Variants in ADCK1 observed in about 807,000 individuals in gnomAD.
The protein encoded by ADCK1 is aarF domain-containing protein kinase 1.
Under a neutral mutation model 52.3 loss-of-function variants are expected in ADCK1, and 41 were observed. The ratio of observed to expected loss-of-function variants is 0.78; its 90% CI spans 0.61 to 1.02. The LOEUF is 1.02. ADCK1 is among the 50% of genes least tolerant of loss of function. The probability of loss-of-function intolerance (pLI) is 0.00; values close to 1 mark genes in which losing one functional copy is unlikely to be tolerated. For synonymous variants in ADCK1, 250 were observed against 274.6 expected (o/e 0.91, Z 0.89); for missense variants, 658 against 679.5 (o/e 0.97, Z 0.35).
In ADCK1 at chr14:77,931,602, A is replaced by T. The variant is rs999878942; in HGVS notation, c.1291A>T (p.Ile431Phe). 1 of 1,613,810 alleles carries T rather than the reference A, an allele frequency of 6.2e-7. No individual in the cohort carries two copies. The highest frequency in any genetic ancestry group is 8.5e-7 in the Non-Finnish European group (1 of 1,180,032). The change falls in exon 10 of 11, where the codon ATC (isoleucine) becomes TTC (phenylalanine). Residue 431 changes from isoleucine to phenylalanine, a missense_variant. Transcript: ENST00000238561. Reference sequence around the variant, plus strand: ...CCACGTGCCGCGCCAGATGCTGCTCATCTTGAAGACCAACGACCTGCTGCG... The same window carrying T: ...CCACGTGCCGCGCCAGATGCTGCTCTTCTTGAAGACCAACGACCTGCTGCG... The part of the protein sequence containing the change: ...LNHVPRQMLL[I>F]LKTNDLLRGI...
At chr14:77,928,579 A>G (rs1473678383) in intron 9 of ADCK1, among the ~76,000 whole-genome samples, 2 of 151,588 alleles carry the variant, frequency 1.3e-5, no homozygotes, top group Admixed American at 1.3e-4. Flanking sequence ...CTCCTGCCTC[A>G]GCCTTCTGAG....
At chr14:77,917,267 T>G (rs370260070) in intron 7 of ADCK1, among the ~76,000 whole-genome samples, 1 of 152,150 alleles carries the variant, frequency 6.6e-6, no homozygotes, top group Non-Finnish European at 1.5e-5. Flanking sequence ...TCTTTCAAGC[T>G]GTTATGCCTC....
chr14:77,802,714 G>A (rs1159963008), intron 1 of ADCK1, among the ~76,000 whole-genome samples: 2 of 152,198 alleles, frequency 1.3e-5, no homozygotes, highest in Non-Finnish European at 2.9e-5. Context: ...ACTTTGGGAA[G>A]CCAAGGCGGG....
chr14:77,870,815 C>T lies in ADCK1; in HGVS notation c.423+11536C>T, dbSNP rs79357193. 5.5e-3 allele frequency among the ~76,000 whole-genome samples: 835 copies of T among 152,322 alleles called. 3 individuals carry two copies. Among genetic ancestry groups the T allele is most frequent in the Non-Finnish European group, 8.3e-3 (565 of 68,032 alleles). On this transcript the variant is annotated intron_variant, in intron 4 of 10. Transcript: ENST00000238561. ...AGGGGTCACAGAGTCCTCATTTCCT[C>T]CCTGACTGGAACTCGTGGCCTTCCC...
In ADCK1 at chr14:77,933,259, C is replaced by A; in HGVS notation, c.1440C>A (p.Thr480=). The A allele has an allele frequency of 1.2e-6, 2 of 1,614,148 alleles. No homozygotes were observed. Among genetic ancestry groups the A allele is most frequent in the Non-Finnish European group, 1.7e-6 (2 of 1,180,022 alleles). ...KKNTCSFFRR[T]QISFSEAFNL... is the part of the protein sequence containing the mutation. Reference sequence around the variant, plus strand: ...ATACCTGTTCATTCTTCAGAAGGACCCAGATCTCTTTCAGCGAGGCCTTCA... The same window carrying A: ...ATACCTGTTCATTCTTCAGAAGGACACAGATCTCTTTCAGCGAGGCCTTCA... The change falls in exon 11 of 11, where the codon ACC becomes ACA. Residue 480 remains threonine, a synonymous_variant. Coordinates refer to ENST00000238561, the MANE Select transcript of ADCK1 (RefSeq NM_020421.4).
chr14:77,840,380 C>T (rs1464708275), intron 3 of ADCK1, among the ~76,000 whole-genome samples: 3 of 151,968 alleles, frequency 2.0e-5, no homozygotes, highest in East Asian at 3.9e-4. Flanking sequence ...CATTCCTTGG[C>T]TCATGGTCCC....
chr14:77,829,237 A>G (rs1216141491), intron 3 of ADCK1, among the ~76,000 whole-genome samples: 2 of 150,866 alleles, frequency 1.3e-5, no homozygotes, highest in Non-Finnish European at 3.0e-5. Flanking sequence ...GAGGATATAT[A>G]TGTGTGTACA....
intron 1 of ADCK1, among the ~76,000 whole-genome samples, chr14:77,813,912 T>A (rs929239624): frequency 4.0e-5 from 6 of 151,652 alleles, no homozygotes; most frequent in Non-Finnish European, 7.4e-5. Flanking sequence ...AAACTAAAGA[T>A]GCATGCCACA....
intron 3 of ADCK1, among the ~76,000 whole-genome samples, chr14:77,853,532 T>G (rs1231287441): frequency 6.6e-6 from 1 of 152,170 alleles, no homozygotes; most frequent in African/African-American, 2.4e-5. Flanking sequence ...GGATCTTGCT[T>G]TTAATATTTG....
chr14:77,905,508 T>C (rs915904178), intron 6 of ADCK1, among the ~76,000 whole-genome samples: 3 of 151,364 alleles, frequency 2.0e-5, no homozygotes, highest in Non-Finnish European at 4.4e-5. Context: ...CCCTCGCTGT[T>C]TTTTAAGCTG....
chr14:77,817,880 C>T (rs1053262195), intron 1 of ADCK1, among the ~76,000 whole-genome samples: 3 of 150,274 alleles, frequency 2.0e-5, no homozygotes, highest in Admixed American at 6.7e-5. Flanking sequence ...GGACTACAGG[C>T]GCCCGCCACC....
intron 4 of ADCK1, among the ~76,000 whole-genome samples, chr14:77,874,913 C>T (rs914429220): frequency 6.6e-6 from 1 of 151,972 alleles, no homozygotes; most frequent in Non-Finnish European, 1.5e-5. Flanking sequence ...GGTTAAGGGA[C>T]AGGTGGATGG....
intron 4 of ADCK1, among the ~76,000 whole-genome samples, chr14:77,885,763 G>T (rs1286454485): frequency 1.3e-5 from 2 of 152,222 alleles, no homozygotes; most frequent in African/African-American, 4.8e-5. Context: ...GCTTGTGCAT[G>T]TGTGTGCACA....
chr14:77,931,617 G>A lies in ADCK1; in HGVS notation c.1306G>A (p.Asp436Asn), dbSNP rs751408118. Residue 436 changes from aspartate to asparagine, a missense_variant, in exon 10 of 11, where the codon GAC (aspartate) becomes AAC (asparagine). Asp to Asn is a conservative substitution (Grantham distance 23, BLOSUM62 1). Coordinates refer to ENST00000238561, the MANE Select transcript of ADCK1 (RefSeq NM_020421.4). ...RQMLLILKTN[D>N]LLRGIEAALG... ...GATGCTGCTCATCTTGAAGACCAAC[G>A]ACCTGCTGCGTGGCATTGAGGCCGC... The A allele has an allele frequency of 5.6e-6, 9 of 1,613,160 alleles. No individual in the cohort carries two copies. The highest frequency in any genetic ancestry group is 4.0e-5 in the African/African-American group (3 of 74,930).
chr14:77,892,852 G>A (rs931895877), intron 5 of ADCK1, among the ~76,000 whole-genome samples: 5 of 152,136 alleles, frequency 3.3e-5, no homozygotes, highest in Non-Finnish European at 7.3e-5. Flanking sequence ...GGGGGAGATG[G>A]CTGTTGGTTT....
intron 3 of ADCK1, among the ~76,000 whole-genome samples, chr14:77,845,424 T>C (rs2082154894): frequency 1.3e-5 from 2 of 152,274 alleles, no homozygotes; most frequent in African/African-American, 2.4e-5. Flanking sequence ...GTTCCTTTTT[T>C]TTTCTTCCTT....
At chr14:77,911,210 C>T (rs1566728189) in intron 7 of ADCK1, among the ~76,000 whole-genome samples, 1 of 152,114 alleles carries the variant, frequency 6.6e-6, no homozygotes. Context: ...CAACTTGCCC[C>T]GTATCACACA....
At chr14:77,856,264 T>G (rs555918177) in intron 3 of ADCK1, among the ~76,000 whole-genome samples, 1 of 152,142 alleles carries the variant, frequency 6.6e-6, no homozygotes, top group Non-Finnish European at 1.5e-5. Flanking sequence ...AAAAAAATAC[T>G]CTTATAATTT....
intron 4 of ADCK1, among the ~76,000 whole-genome samples, chr14:77,869,160 C>T (rs564552520): frequency 7.8e-4 from 119 of 152,050 alleles, no homozygotes; most frequent in Non-Finnish European, 1.1e-3. Context: ...GGTTGGATGG[C>T]GTATTGGTTT....
Sources: allele counts gnomAD v4.1 joint callset (sites outside exome capture counted in the v4.1 genomes callset), GRCh38; gene constraint gnomAD v4.1.1; transcripts MANE v1.5; gene names NCBI Gene and HGNC (gene_info 2026-07-23, HGNC 2026-07-21).